SV2C: variants seen among roughly 807,000 people sequenced by gnomAD.
SV2C encodes the protein solute carrier family 22 member B3.
Under a neutral mutation model 79.7 loss-of-function variants are expected in SV2C, and 49 were observed. The ratio of observed to expected loss-of-function variants is 0.61; its 90% CI spans 0.49 to 0.78. SV2C has a LOEUF of 0.78. Among genes scored for constraint, SV2C ranks in the 30% least tolerant of loss-of-function variants. The pLI is 0.00. For missense variants in SV2C, 833 were observed against 912.9 expected (o/e 0.91, Z 1.13); for synonymous variants, 334 against 333.2 (o/e 1.00, Z -0.03).
the SV2C span, among the ~76,000 whole-genome samples, chr5:76,037,296 G>A: frequency 0.015 from 2,209 of 152,336 alleles, 22 homozygotes; most frequent in Non-Finnish European, 0.022. Context: ...GAGGAACTTC[G>A]TTCCTTTGGA....
intron 4 of SV2C, among the ~76,000 whole-genome samples, chr5:76,276,688 T>G (rs1747032530): frequency 6.6e-6 from 1 of 151,058 alleles, no homozygotes; most frequent in African/African-American, 2.4e-5. Context: ...CTAGTAGCTA[T>G]GACCACAGGT....
the SV2C span, among the ~76,000 whole-genome samples, chr5:76,036,146 G>T: frequency 2.0e-5 from 3 of 151,552 alleles, no homozygotes; most frequent in African/African-American, 7.3e-5. Context: ...GTCTCTGCCC[G>T]TGAGATGGGT....
At chr5:76,267,482 G>A (rs539240527) in intron 4 of SV2C, among the ~76,000 whole-genome samples, 1 of 152,076 alleles carries the variant, frequency 6.6e-6, no homozygotes, top group South Asian at 2.1e-4. Flanking sequence ...ACTGTGGAGG[G>A]TATATCAAAA....
the SV2C span, among the ~76,000 whole-genome samples, chr5:75,960,618 C>T: frequency 5.0e-3 from 764 of 152,022 alleles, 7 homozygotes; most frequent in African/African-American, 0.017. Flanking sequence ...GAATAAAAAT[C>T]TAAGCTATAA....
At chr5:76,060,763 C>T in the SV2C span, among the ~76,000 whole-genome samples, 1 of 152,102 alleles carries the variant, frequency 6.6e-6, no homozygotes, top group Non-Finnish European at 1.5e-5. Context: ...TTTGCATTCA[C>T]AGCTTGGCTA....
At chr5:76,114,894 C>A (rs1164921585) in intron 1 of SV2C, among the ~76,000 whole-genome samples, 1 of 152,208 alleles carries the variant, frequency 6.6e-6, no homozygotes, top group Non-Finnish European at 1.5e-5. Flanking sequence ...TTCTTTTATT[C>A]TTTTTAAATT....
intron 4 of SV2C, among the ~76,000 whole-genome samples, chr5:76,278,391 A>G (rs1294610134): frequency 1.3e-5 from 2 of 152,180 alleles, no homozygotes; most frequent in Non-Finnish European, 2.9e-5. Context: ...TTTGTGTGTG[A>G]GCCTCTCTGA....
At chr5:76,282,862 A>C (rs1238926618) in intron 4 of SV2C, among the ~76,000 whole-genome samples, 3 of 151,884 alleles carry the variant, frequency 2.0e-5, no homozygotes, top group Non-Finnish European at 4.4e-5. Flanking sequence ...ATTCAAAAAA[A>C]CTAGCCAGGC....
intron 12 of SV2C, among the ~76,000 whole-genome samples, chr5:76,301,935 A>T (rs1748022007): frequency 6.6e-6 from 1 of 151,452 alleles, no homozygotes; most frequent in Admixed American, 6.6e-5. Context: ...AAAAAAGCCA[A>T]ACTGTCACTT....
the SV2C span, among the ~76,000 whole-genome samples, chr5:76,052,677 C>G: frequency 2.6e-5 from 4 of 152,324 alleles, no homozygotes; most frequent in East Asian, 5.8e-4. Flanking sequence ...CTCAGACTCT[C>G]TAAGTGGGTC....
chr5:76,127,398 T>C (rs79782290), intron 1 of SV2C, among the ~76,000 whole-genome samples: 6,715 of 152,318 alleles, frequency 0.044, 431 homozygotes, highest in African/African-American at 0.14. Context: ...TTTTACATAT[T>C]TGTGCAAAAT....
the SV2C span, among the ~76,000 whole-genome samples, chr5:75,953,733 G>A: frequency 3.3e-5 from 5 of 151,878 alleles, no homozygotes; most frequent in Non-Finnish European, 5.9e-5. Context: ...TCTGAGTTGC[G>A]TTTTATACCA....
intron 1 of SV2C, among the ~76,000 whole-genome samples, chr5:76,114,448 G>A (rs1748197910): frequency 6.6e-6 from 1 of 152,162 alleles, no homozygotes; most frequent in Admixed American, 6.5e-5. Flanking sequence ...CAAGCTCTGG[G>A]GGCTCTGTTT....
rs143286622 is a variant in SV2C, at chr5:76,200,169, C to T, written c.761+5070C>T. Among the ~76,000 whole-genome samples, 346 of 152,318 alleles carry T rather than the reference C, an allele frequency of 2.3e-3. 3 individuals carry two copies. Among genetic ancestry groups the T allele is most frequent in the African/African-American group, 6.4e-3 (265 of 41,556 alleles). On this transcript the variant is annotated intron_variant, in intron 3 of 12. Coordinates refer to ENST00000502798, the MANE Select transcript of SV2C (RefSeq NM_014979.4). ...TAGCTCAGGTCTGTTTCACAGTGGG[C>T]CCAGTGAGTCAGGCACTGAATCCAT...
At chr5:76,069,561 C>G in the SV2C span, among the ~76,000 whole-genome samples, 2 of 152,178 alleles carry the variant, frequency 1.3e-5, no homozygotes, top group Non-Finnish European at 2.9e-5. Flanking sequence ...CTCCACTTGT[C>G]ATGTGCCCCA....
rs77681446 is a variant in SV2C, at chr5:76,309,970, G to A, written c.2000+8425G>A. On this transcript the variant is annotated intron_variant, in intron 12 of 12. Transcript: ENST00000502798. ...TTTTTACATCAACCTGGGGCTGTCC[G>A]ATTGGCATTTGAATATTTTTGTTTG... Among the ~76,000 whole-genome samples the A allele has an allele frequency of 2.4e-3, 370 of 152,136 alleles. 1 individual carries two copies. The highest frequency in any genetic ancestry group is 3.7e-3 in the Non-Finnish European group (249 of 67,998).
At chr5:76,174,174 A>T (rs773070489) in intron 2 of SV2C, 14 of 1,612,544 alleles carry the variant, frequency 8.7e-6, no homozygotes, top group Non-Finnish European at 1.2e-5. Context: ...ACTAGCTTAT[A>T]CTCACGCATG....
At chr5:76,257,827 G>A (rs1287416576) in intron 4 of SV2C, among the ~76,000 whole-genome samples, 1 of 151,190 alleles carries the variant, frequency 6.6e-6, no homozygotes, top group Non-Finnish European at 1.5e-5. Flanking sequence ...GGTATATGTA[G>A]TATGGATGGT....
chr5:76,124,523 A>G (rs1486483831), intron 1 of SV2C, among the ~76,000 whole-genome samples: 1 of 152,190 alleles, frequency 6.6e-6, no homozygotes. Flanking sequence ...TCAATGGGCC[A>G]ATGGGTTGCT....
Sources: allele counts gnomAD v4.1 joint callset (sites outside exome capture counted in the v4.1 genomes callset), GRCh38; gene constraint gnomAD v4.1.1; transcripts MANE v1.5; gene names NCBI Gene and HGNC (gene_info 2026-07-23, HGNC 2026-07-21).